CFAP57: variants seen among roughly 807,000 people sequenced by gnomAD.
CFAP57 encodes cilia and flagella associated protein 57, also known as cilia- and flagella-associated protein 57.
CFAP57 carries 116 observed loss-of-function variants against 146.8 expected under a neutral mutation model. The ratio of observed to expected loss-of-function variants is 0.79; its 90% confidence interval spans 0.68 to 0.92. CFAP57 has a LOEUF of 0.92. Among genes scored for constraint, CFAP57 ranks in the 40% least tolerant of loss-of-function variants. The probability of loss-of-function intolerance (pLI) is 0.00; values close to 1 mark genes in which losing one functional copy is unlikely to be tolerated. For synonymous variants in CFAP57, 518 were observed against 552.8 expected, an observed-to-expected ratio of 0.94 and a Z score of 0.88; for missense variants, 1,377 against 1,527.2, an observed-to-expected ratio of 0.90 and a Z score of 1.64.
intron 6 of CFAP57, among the ~76,000 whole-genome samples, chr1:43,188,465 A>C (rs1643292399): frequency 6.6e-6 from 1 of 152,150 alleles, no homozygotes; most frequent in South Asian, 2.1e-4. Context: ...TTTTTATTAT[A>C]GCCATCTTAG....
chr1:43,189,299 C>T (rs1048597584), intron 6 of CFAP57, among the ~76,000 whole-genome samples: 2 of 152,142 alleles, frequency 1.3e-5, no homozygotes, highest in East Asian at 1.9e-4. Context: ...GGATCCTCAC[C>T]GGGATTGCAT....
At chr1:43,218,896 G>T (rs1644938751) in intron 12 of CFAP57, among the ~76,000 whole-genome samples, 1 of 152,200 alleles carries the variant, frequency 6.6e-6, no homozygotes. Flanking sequence ...CCGTACTTGG[G>T]ATATATCAGC....
chr1:43,181,323 C>T (rs1012707166), intron 2 of CFAP57, among the ~76,000 whole-genome samples: 1 of 152,172 alleles, frequency 6.6e-6, no homozygotes, highest in Non-Finnish European at 1.5e-5. Context: ...CTGCCCACCT[C>T]GGCCCCCTGA....
At chr1:43,197,795 C>T in intron 7 of CFAP57, 103 bp downstream of exon 7, 1 of 1,488,052 alleles carries the variant, frequency 6.7e-7, no homozygotes, top group South Asian at 1.2e-5. Flanking sequence ...TATTTAGAAG[C>T]TTTCAGTTGG....
chr1:43,216,852 C>T (rs749655228), intron 12 of CFAP57, among the ~76,000 whole-genome samples: 4 of 152,162 alleles, frequency 2.6e-5, no homozygotes, highest in Non-Finnish European at 5.9e-5. Context: ...TGCTGTGTAC[C>T]TGACACTATA....
Position 43,186,696 on chromosome 1 carries a change from A to G in CFAP57, c.970-11A>G. ...GGGACATTACTGATAGCTGTTTTGC[A>G]TTTTGGGCAGATTCCTGTGGACCCG... On this transcript the variant is annotated splice_polypyrimidine_tract_variant and intron_variant, in intron 5 of 22. Coordinates refer to ENST00000372492, the MANE Select transcript of CFAP57 (RefSeq NM_001378189.1). 6.2e-7 allele frequency: 1 copy of G among 1,613,622 alleles called. No individual in the cohort carries two copies. The highest frequency in any genetic ancestry group is 8.5e-7 in the Non-Finnish European group (1 of 1,179,950).
At chr1:43,253,073 C>T (rs1393100169) in intron 22 of CFAP57, among the ~76,000 whole-genome samples, 1 of 152,038 alleles carries the variant, frequency 6.6e-6, no homozygotes, top group Non-Finnish European at 1.5e-5. Flanking sequence ...ATCATCAAAT[C>T]CAGGAAGCCC....
At chr1:43,206,956 C>A (rs760584390) in intron 10 of CFAP57, 24 bp downstream of exon 10, 1 of 1,609,696 alleles carries the variant, frequency 6.2e-7, no homozygotes, top group Non-Finnish European at 8.5e-7. Context: ...TGCCCCGCCT[C>A]TGGGCTGGTG....
intron 15 of CFAP57, 90 bp downstream of exon 15, chr1:43,222,385 G>C: frequency 1.7e-6 from 2 of 1,192,520 alleles, no homozygotes; most frequent in Non-Finnish European, 2.2e-6. Flanking sequence ...CTGTATGCCA[G>C]GATGTGTTAT....
rs1434216728 is a variant in CFAP57, at chr1:43,201,730, C to T, written c.1542+2227C>T. On this transcript the variant is annotated intron_variant, in intron 9 of 22. Coordinates refer to ENST00000372492, the MANE Select transcript of CFAP57 (RefSeq NM_001378189.1). This position sits in a 1 kb window ranked among gnomAD's most constrained non-coding sequence, Gnocchi z 4.4. ...TCCCAGGTTCAAGCGATTCTCCTGC[C>T]TCAGCCTCCTGAGTAGCTGGGATTA... Among the ~76,000 whole-genome samples, 3 of 152,218 alleles carry T rather than the reference C, an allele frequency of 2.0e-5. No individual in the cohort carries two copies. The highest frequency in any genetic ancestry group is 4.4e-5 in the Non-Finnish European group (3 of 68,038).
chr1:43,219,981 T>C (rs1644981976), intron 13 of CFAP57, among the ~76,000 whole-genome samples: 1 of 149,138 alleles, frequency 6.7e-6, no homozygotes, highest in African/African-American at 2.5e-5. Context: ...TAAATAAAAA[T>C]AAATGCTTAC....
intron 21 of CFAP57, among the ~76,000 whole-genome samples, chr1:43,235,912 G>A (rs1386637567): frequency 2.0e-5 from 3 of 152,180 alleles, no homozygotes; most frequent in Non-Finnish European, 4.4e-5. Context: ...CTCTCTCCAT[G>A]CCAAGCAGCC....
Position 43,197,559 on chromosome 1 carries a change from C to G in CFAP57, c.1129C>G (p.Pro377Ala). ...MSLTEISKGE[P>A]AHFEYLMYPL... ...TTCTGTGTGATTTCTCTAGGGGGAG[C>G]CTGCTCACTTTGAGTATTTGATGTA... Residue 377 changes from proline (P) to alanine (A), a missense_variant, in exon 7 of 23, where the codon CCT becomes GCT. Transcript: ENST00000372492. 6.2e-7 allele frequency: 1 copy of G among 1,614,064 alleles called. No individual in the cohort carries two copies. The highest frequency in any genetic ancestry group is 8.5e-7 in the Non-Finnish European group (1 of 1,180,014).
Position 43,243,329 on chromosome 1 carries a change from A to G in CFAP57, c.3508A>G (p.Lys1170Glu). The change falls in exon 22 of 23, where the codon AAA becomes GAA. Residue 1170 changes from lysine (K) to glutamate (E), a missense_variant. Coordinates refer to ENST00000372492, the MANE Select transcript of CFAP57 (RefSeq NM_001378189.1). ...DLEAALKLTK[K>E]VRPQEVSETE... ...TGAAGCAGCTCTGAAACTGACCAAGAAAGTCCGACCACAAGAAGTTTCAGA... is the reference window on the plus strand; with the variant it reads ...TGAAGCAGCTCTGAAACTGACCAAGGAAGTCCGACCACAAGAAGTTTCAGA... The G allele has an allele frequency of 1.3e-6, 2 of 1,540,522 alleles. No individual in the cohort carries two copies. Among genetic ancestry groups the G allele is most frequent in the Non-Finnish European group, 1.8e-6 (2 of 1,141,068 alleles).
At chr1:43,239,328 A>G (rs145928629) in intron 21 of CFAP57, among the ~76,000 whole-genome samples, 167 of 152,250 alleles carry the variant, frequency 1.1e-3, no homozygotes, top group African/African-American at 3.8e-3. Context: ...AGCCCTGGAG[A>G]CCCATTTAGG....
At chr1:43,230,766 C>T (rs1645435354) in intron 18 of CFAP57, among the ~76,000 whole-genome samples, 1 of 152,234 alleles carries the variant, frequency 6.6e-6, no homozygotes, top group Non-Finnish European at 1.5e-5. Flanking sequence ...TGTGTACACA[C>T]AGTGCTTTCT....
chr1:43,192,143 T>G (rs1429453845), intron 6 of CFAP57, among the ~76,000 whole-genome samples: 4 of 152,210 alleles, frequency 2.6e-5, no homozygotes, highest in African/African-American at 4.8e-5. Flanking sequence ...TTAAGGTTTG[T>G]TTTTGGCCTG....
chr1:43,189,735 G>A (rs1203277134), intron 6 of CFAP57, among the ~76,000 whole-genome samples: 2 of 152,186 alleles, frequency 1.3e-5, no homozygotes, highest in Non-Finnish European at 2.9e-5. Flanking sequence ...AGGGTGTACA[G>A]GAAGCATGGT....
At chr1:43,222,735 C>T (rs1645095431) in intron 15 of CFAP57, 89 bp from the exon 16 acceptor site, 6 of 1,404,490 alleles carry the variant, frequency 4.3e-6, no homozygotes, top group African/African-American at 1.5e-5. Flanking sequence ...TGGGACAGGT[C>T]CCCATGCTCA....
Sources: allele counts gnomAD v4.1 joint callset (sites outside exome capture counted in the v4.1 genomes callset), GRCh38; gene constraint gnomAD v4.1.1; non-coding constraint Gnocchi (gnomAD v3.1); transcripts MANE v1.5; gene names NCBI Gene and HGNC (gene_info 2026-07-23, HGNC 2026-07-21).